PTPRS: variants seen among roughly 807,000 people sequenced by gnomAD.
PTPRS encodes receptor-type tyrosine-protein phosphatase S.
In PTPRS, 63 loss-of-function variants were observed where a neutral mutation model predicts 215.3. That is an observed-to-expected ratio of 0.29 (90% CI 0.24 to 0.36). PTPRS has a LOEUF of 0.36. Ranked by LOEUF, PTPRS falls within the 10% of genes least tolerant of loss-of-function variation. The probability of loss-of-function intolerance (pLI) is 1.00; values close to 1 mark genes in which losing one functional copy is unlikely to be tolerated. For missense variants in PTPRS, 2,258 were observed against 2,825.8 expected, an observed-to-expected ratio of 0.80 and a Z score of 4.56; for synonymous variants, 1,404 against 1,191.4, an observed-to-expected ratio of 1.18 and a Z score of -3.68.
chr19:5,284,291 C>T lies in PTPRS; in HGVS notation c.91+1759G>A, dbSNP rs561617567. Among the ~76,000 whole-genome samples the T allele has an allele frequency of 5.3e-5, 8 of 151,532 alleles. No homozygotes were observed. In the East Asian group the frequency reaches 5.8e-4, roughly 11 times the overall value. On this transcript the variant is annotated intron_variant, in intron 2 of 37. Transcript: ENST00000262963. ...AGGAGGATCGCTTGAATCTGGGAGG[C>T]GGAGGTTGCAGTGAGCCGAGACTGC...
chr19:5,336,220 T>C (rs985866739), intron 1 of PTPRS, among the ~76,000 whole-genome samples: 19 of 141,158 alleles, frequency 1.3e-4, no homozygotes, highest in African/African-American at 4.7e-4. Flanking sequence ...TTTTTTTTTT[T>C]CTTCCCTTTT....
Position 5,240,371 on chromosome 19 carries a change from G to A in PTPRS, c.1571-39C>T, listed in dbSNP as rs369218070. 308 of 1,537,818 alleles carry A rather than the reference G, an allele frequency of 2.0e-4. No individual in the cohort carries two copies. In the African/African-American group the frequency reaches 3.2e-3, roughly 16 times the overall value. ...GGGAGACAACTAGGAGTCGGGGAGCGTCCACCCCACAAAGGGGGCCCCACC... is the reference window on the plus strand; with the variant it reads ...GGGAGACAACTAGGAGTCGGGGAGCATCCACCCCACAAAGGGGGCCCCACC... On this transcript the variant is annotated intron_variant, in intron 11 of 37. Transcript: ENST00000262963.
At position 5,222,142 on chromosome 19, in the gene PTPRS, T is replaced by C; in HGVS notation, c.3182A>G (p.Asn1061Ser). ...LLSWEFPDNY[N>S]SPTPYKIQYN... is the part of the protein sequence containing the mutation. ...TCGCACCTTGTAGGGTGTGGGTGAG[T>C]TGTAGTTGTCAGGGAACTCCCAGCT... is the stretch of plus-strand genomic sequence containing the variant. The change falls in exon 19 of 38, where the codon AAC (asparagine) becomes AGC (serine). Residue 1061 changes from asparagine (N) to serine (S), a missense_variant. Physicochemically the swap from Asn to Ser is conservative, Grantham distance 46. Transcript: ENST00000262963. The C allele has an allele frequency of 6.2e-7, 1 of 1,613,248 alleles. No individual in the cohort carries two copies. The highest frequency in any genetic ancestry group is 8.5e-7 in the Non-Finnish European group (1 of 1,179,612).
chr19:5,326,346 G>C (rs182613524), intron 1 of PTPRS, among the ~76,000 whole-genome samples: 124 of 152,320 alleles, frequency 8.1e-4, no homozygotes, highest in African/African-American at 2.9e-3. Context: ...GGGTGCTCAG[G>C]CTTCAGCTTT....
intron 1 of PTPRS, chr19:5,292,860 G>A (rs958050143): frequency 2.0e-5 from 3 of 152,206 alleles, no homozygotes; most frequent in Non-Finnish European, 2.9e-5. Context: ...GAGAGGGGGT[G>A]GGGGGAGGAG....
intron 4 of PTPRS, among the ~76,000 whole-genome samples, chr19:5,268,804 AG>A (rs2046652542): frequency 6.6e-6 from 1 of 152,216 alleles, no homozygotes; most frequent in East Asian, 1.9e-4. Context: ...GCATGTAGCA[AG>A]GATTTGAACC....
chr19:5,333,143 CTCAAATAAATAAAA>C lies in PTPRS; in HGVS notation c.-95+7507_-95+7520del, dbSNP rs1256284207. Among the ~76,000 whole-genome samples, 4 of 150,638 alleles carry C rather than the reference CTCAAATAAATAAAA, an allele frequency of 2.7e-5. No homozygotes were observed. In the East Asian group the frequency reaches 7.9e-4, roughly 30 times the overall value. On this transcript the variant is annotated intron_variant, in intron 1 of 37. Transcript: ENST00000262963. ...CAGCCTGGCGACAGAGCAAGACTGT[CTCAAATAAATAAAA>C]TAAAATAAAAAATAAATAAAAAATG...
intron 2 of PTPRS, 22 bp from the exon 3 acceptor site, chr19:5,274,366 G>C (rs759677467): frequency 1.3e-6 from 2 of 1,592,402 alleles, no homozygotes; most frequent in African/African-American, 2.7e-5. Context: ...GTGGAAAGAA[G>C]GGGGGGCGCT....
At chr19:5,290,198 T>A (rs997467905) in intron 1 of PTPRS, among the ~76,000 whole-genome samples, 2 of 152,166 alleles carry the variant, frequency 1.3e-5, no homozygotes, top group Non-Finnish European at 2.9e-5. Flanking sequence ...CACCACTAGC[T>A]CACGGCAGCT....
At chr19:5,327,526 T>C (rs1482817757) in intron 1 of PTPRS, among the ~76,000 whole-genome samples, 1 of 152,138 alleles carries the variant, frequency 6.6e-6, no homozygotes, top group Non-Finnish European at 1.5e-5. Context: ...CCCTGGCCCA[T>C]TCCTGGTGAG....
At chr19:5,298,098 TCCA>T (rs1244821168) in intron 1 of PTPRS, among the ~76,000 whole-genome samples, 8 of 152,280 alleles carry the variant, frequency 5.3e-5, no homozygotes, top group Non-Finnish European at 1.2e-4. Context: ...CCGGCCTCCT[TCCA>T]GTCTTTCTTC....
At position 5,333,728 on chromosome 19, in the gene PTPRS, A is replaced by G. The variant is rs539094597; in HGVS notation, c.-95+6936T>C. Among the ~76,000 whole-genome samples, 153 of 152,246 alleles carry G rather than the reference A, an allele frequency of 1.0e-3. 4 individuals are homozygous for G. The South Asian group carries it at 0.031, about 31-fold the overall frequency. ...GGCAATGTCAAAGCACCCATTTTAC[A>G]GATCAGGAAACTGAGGCACAGAACA... On this transcript the variant is annotated intron_variant, in intron 1 of 37. Transcript: ENST00000262963.
intron 25 of PTPRS, among the ~76,000 whole-genome samples, chr19:5,217,833 T>G (rs1175769860): frequency 6.6e-6 from 1 of 152,080 alleles, no homozygotes; most frequent in East Asian, 1.9e-4. Flanking sequence ...ATGGTAGAGT[T>G]TGTGAATCAT....
Position 5,288,145 on chromosome 19 carries a change from G to A in PTPRS, c.-94-1911C>T, listed in dbSNP as rs552091931. 5.3e-5 allele frequency among the ~76,000 whole-genome samples: 8 copies of A among 152,238 alleles called. No homozygotes were observed. In the East Asian group the frequency reaches 1.5e-3, roughly 29 times the overall value. On this transcript the variant is annotated intron_variant, in intron 1 of 37. Coordinates refer to ENST00000262963, the MANE Select transcript of PTPRS (RefSeq NM_002850.4). ...GGGCAGGCAGTACACATACACAGTT[G>A]GGTTACAGGGAACTGCAAACATGCA... is the stretch of plus-strand genomic sequence containing the variant.
chr19:5,316,669 A>G (rs1005150560), intron 1 of PTPRS, among the ~76,000 whole-genome samples: 1 of 152,196 alleles, frequency 6.6e-6, no homozygotes, highest in Non-Finnish European at 1.5e-5. Context: ...CTGGGATTAC[A>G]GGCATGAGCC....
intron 5 of PTPRS, among the ~76,000 whole-genome samples, chr19:5,264,278 TCCTG>T (rs1440972894): frequency 6.6e-6 from 1 of 152,140 alleles, no homozygotes; most frequent in African/African-American, 2.4e-5. Context: ...CTTCCACTAC[TCCTG>T]CCTGTCTGGG....
chr19:5,215,721 G>T, intron 26 of PTPRS, 126 bp from the exon 27 acceptor site: 1 of 706,022 alleles, frequency 1.4e-6, no homozygotes, highest in Non-Finnish European at 2.3e-6. Context: ...CATGGCCGGG[G>T]TGGGGCTTGG....
rs772048652 is a variant in PTPRS, at chr19:5,231,577, C to G, written c.1888G>C (p.Val630Leu). The change falls in exon 14 of 38, where the codon GTG (valine) becomes CTG (leucine). Residue 630 changes from valine to leucine, a missense_variant. Val to Leu is a conservative substitution (Grantham distance 32). Coordinates refer to ENST00000262963, the MANE Select transcript of PTPRS (RefSeq NM_002850.4). The part of the protein sequence containing the change: ...APPQDVKCVS[V>L]RSTAILVSWR... ...CTTACCAAAATGGCCGTGGAGCGCA[C>G]GCTGACACATTTAACGTCTTGAGGG... The G allele has an allele frequency of 5.0e-6, 8 of 1,590,070 alleles. No homozygotes were observed. The highest frequency in any genetic ancestry group is 6.0e-6 in the Non-Finnish European group (7 of 1,176,042).
intron 4 of PTPRS, 149 bp downstream of exon 4, chr19:5,273,293 G>A (rs766007627): frequency 1.9e-6 from 2 of 1,077,764 alleles, no homozygotes; most frequent in Non-Finnish European, 2.8e-6. Flanking sequence ...TGGGCCCTGA[G>A]ACTGTTACTG....
Sources: gnomAD v4.1 joint callset for allele counts (sites outside exome capture counted in the v4.1 genomes callset) on GRCh38, gnomAD v4.1.1 for gene constraint, MANE v1.5 for transcripts, NCBI Gene and HGNC (gene_info 2026-07-23, HGNC 2026-07-21) for gene names.